Variants in PCDH9 observed in about 807,000 individuals in gnomAD.
PCDH9 encodes protocadherin 9.
PCDH9 carries 24 observed loss-of-function variants against 70.6 expected under a neutral mutation model. The observed-to-expected ratio is 0.34, with a 90% CI of 0.25 to 0.48. The LOEUF (loss-of-function observed/expected upper bound fraction) is 0.48. Ranked by LOEUF, PCDH9 falls within the 20% of genes least tolerant of loss-of-function variation. PCDH9 has a pLI of 0.99. For missense variants in PCDH9, 1,281 were observed against 1,503.6 expected (o/e 0.85, Z 2.45); for synonymous variants, 562 against 558.5 (o/e 1.01, Z -0.09).
At chr13:66,782,302 A>T (rs994892699) in intron 3 of PCDH9, among the ~76,000 whole-genome samples, 1 of 152,170 alleles carries the variant, frequency 6.6e-6, no homozygotes, top group Admixed American at 6.6e-5. Context: ...ATTAACCATA[A>T]TTTTTTCCTA....
At chr13:67,054,723 T>C (rs1398260747) in intron 2 of PCDH9, among the ~76,000 whole-genome samples, 5 of 152,164 alleles carry the variant, frequency 3.3e-5, no homozygotes, top group Non-Finnish European at 5.9e-5. Context: ...ATAATCAATG[T>C]TGAGAAATTT....
chr13:67,216,397 G>GT (rs2089601920), intron 2 of PCDH9: 1 of 151,582 alleles, frequency 6.6e-6, no homozygotes, highest in Non-Finnish European at 1.5e-5. Context: ...ACCTATTTAA[G>GT]TTTTAAGGCA....
chr13:67,028,369 G>A (rs2084831938), intron 2 of PCDH9, among the ~76,000 whole-genome samples: 1 of 132,694 alleles, frequency 7.5e-6, no homozygotes. Flanking sequence ...ATTGAACAAT[G>A]AGAACACATG....
intron 2 of PCDH9, among the ~76,000 whole-genome samples, chr13:67,174,281 T>A (rs993209301): frequency 6.6e-6 from 1 of 151,302 alleles, no homozygotes; most frequent in Non-Finnish European, 1.5e-5. Context: ...GATAGATAGC[T>A]AGATAGACAG....
intron 4 of PCDH9, chr13:66,306,232 T>G (rs1368739519): frequency 6.6e-6 from 1 of 152,028 alleles, no homozygotes; most frequent in Non-Finnish European, 1.5e-5. Context: ...TGTAGGTCTT[T>G]GCTAAAACCA....
chr13:66,471,964 A>G (rs921934821), intron 4 of PCDH9, among the ~76,000 whole-genome samples: 1 of 152,128 alleles, frequency 6.6e-6, no homozygotes, highest in Non-Finnish European at 1.5e-5. Flanking sequence ...TAAACCTAGC[A>G]CTTTGGGAGG....
intron 2 of PCDH9, among the ~76,000 whole-genome samples, chr13:67,180,912 G>C (rs1273057515): frequency 1.3e-5 from 2 of 152,110 alleles, no homozygotes; most frequent in African/African-American, 4.8e-5. Flanking sequence ...TTACAGAGTT[G>C]TATTGTTACC....
At chr13:67,148,912 A>G (rs1303156099) in intron 2 of PCDH9, among the ~76,000 whole-genome samples, 1 of 152,224 alleles carries the variant, frequency 6.6e-6, no homozygotes, top group Non-Finnish European at 1.5e-5. Flanking sequence ...ATGGAAAACT[A>G]TTATATGATT....
intron 3 of PCDH9, among the ~76,000 whole-genome samples, chr13:66,712,030 T>C (rs1344259470): frequency 1.3e-5 from 2 of 152,298 alleles, no homozygotes; most frequent in Non-Finnish European, 2.9e-5. Context: ...TCATGAGTTA[T>C]AGAGTAACAG....
At chr13:67,086,483 A>T (rs985338004) in intron 2 of PCDH9, among the ~76,000 whole-genome samples, 18 of 152,218 alleles carry the variant, frequency 1.2e-4, no homozygotes, top group Non-Finnish European at 1.9e-4. Context: ...TCCCAGTGAT[A>T]AACTCACATG....
chr13:67,196,083 AAAC>A (rs1252478115), intron 2 of PCDH9, among the ~76,000 whole-genome samples: 5 of 152,302 alleles, frequency 3.3e-5, no homozygotes, highest in Admixed American at 2.0e-4. Context: ...TGTGAAGAGT[AAAC>A]AAACTCTATG....
chr13:66,718,984 C>T (rs146784902), intron 3 of PCDH9, among the ~76,000 whole-genome samples: 30 of 152,284 alleles, frequency 2.0e-4, no homozygotes, highest in African/African-American at 6.0e-4. Context: ...TGATCAAGAA[C>T]ATTGTTGAGT....
intron 2 of PCDH9, among the ~76,000 whole-genome samples, chr13:66,949,611 G>C (rs897330733): frequency 6.6e-6 from 1 of 151,984 alleles, no homozygotes; most frequent in Non-Finnish European, 1.5e-5. Flanking sequence ...CATCTCGGAG[G>C]CTTTTTTGAT....
chr13:66,485,232 T>A (rs1446335041), intron 4 of PCDH9, among the ~76,000 whole-genome samples: 2 of 152,354 alleles, frequency 1.3e-5, no homozygotes, highest in East Asian at 3.9e-4. Flanking sequence ...AATGGAAACA[T>A]GTCTAAGGCT....
chr13:66,497,534 A>T (rs775640557), intron 4 of PCDH9, among the ~76,000 whole-genome samples: 13 of 152,164 alleles, frequency 8.5e-5, no homozygotes, highest in Non-Finnish European at 1.9e-4. Context: ...TATGCTAAAA[A>T]ATCAACCATC....
intron 2 of PCDH9, among the ~76,000 whole-genome samples, chr13:67,053,646 G>A (rs1425972212): frequency 6.6e-6 from 1 of 152,120 alleles, no homozygotes; most frequent in Non-Finnish European, 1.5e-5. Context: ...AACAAACTAA[G>A]CAATACGAAA....
At chr13:67,070,092 AAT>A (rs35949491) in intron 2 of PCDH9, among the ~76,000 whole-genome samples, 54,489 of 150,174 alleles carry the variant, frequency 0.36, 10,705 homozygotes, top group East Asian at 0.58. Context: ...TTTTAAATAA[AAT>A]AGAGTTATTT....
intron 2 of PCDH9, among the ~76,000 whole-genome samples, chr13:67,091,170 A>T (rs2086210659): frequency 2.0e-5 from 3 of 152,114 alleles, no homozygotes; most frequent in Admixed American, 2.0e-4. Context: ...TTTGAACTCA[A>T]GTATTAATTT....
At chr13:66,573,415 G>A (rs2076763918) in intron 4 of PCDH9, among the ~76,000 whole-genome samples, 1 of 151,632 alleles carries the variant, frequency 6.6e-6, no homozygotes. Flanking sequence ...TTTGTTACTT[G>A]CGTAAATGTA....
Sources: gnomAD v4.1 joint callset for allele counts (sites outside exome capture counted in the v4.1 genomes callset) on GRCh38, gnomAD v4.1.1 for gene constraint, MANE v1.5 for transcripts, NCBI Gene and HGNC (gene_info 2026-07-23, HGNC 2026-07-21) for gene names.